Variants in ALOXE3 observed in about 807,000 individuals in gnomAD.
ALOXE3 encodes the protein hydroperoxide isomerase ALOXE3.
A neutral mutation model predicts 87.5 loss-of-function variants in ALOXE3; 78 were observed. The observed-to-expected ratio is 0.89, with a 90% confidence interval of 0.74 to 1.08. The LOEUF (loss-of-function observed/expected upper bound fraction) is 1.08. Among genes scored for constraint, ALOXE3 ranks in the 50% least tolerant of loss-of-function variants. The pLI is 0.00. For synonymous variants in ALOXE3, 363 were observed against 370.8 expected (o/e 0.98, Z 0.24); for missense variants, 946 against 912.4 (o/e 1.04, Z -0.47).
At chr17:8,104,665 A>G (rs1447040572) in intron 13 of ALOXE3, among the ~76,000 whole-genome samples, 1 of 152,242 alleles carries the variant, frequency 6.6e-6, no homozygotes, top group Non-Finnish European at 1.5e-5. Flanking sequence ...TAACAGAAGC[A>G]GAAGGAAGCT....
intron 4 of ALOXE3, 63 bp from the exon 5 acceptor site, chr17:8,115,120 T>C: frequency 6.3e-7 from 1 of 1,599,936 alleles, no homozygotes; most frequent in Non-Finnish European, 8.6e-7. Flanking sequence ...GTCTTAGCTT[T>C]AAAGACACGG....
chr17:8,116,858 G>A lies in ALOXE3; in HGVS notation c.270C>T (p.Thr90=), dbSNP rs1249451038. The A allele has an allele frequency of 1.2e-6, 2 of 1,614,218 alleles. No homozygotes were observed. The highest frequency in any genetic ancestry group is 2.2e-5 in the South Asian group (2 of 91,080). The change falls in exon 3 of 16, where the codon ACC becomes ACT. Residue 90 remains threonine (T), a synonymous_variant. Transcript: ENST00000448843. The part of the protein sequence containing the change: ...DSWYCSRICV[T]EPDGSVSHFP... ...AGTGGGATACACTACCATCCGGTTC[G>A]GTGACACAGATGCGGCTACAGTACC... is the stretch of plus-strand genomic sequence containing the variant.
At chr17:8,104,624 C>T (rs746451457) in intron 13 of ALOXE3, among the ~76,000 whole-genome samples, 1 of 152,178 alleles carries the variant, frequency 6.6e-6, no homozygotes, top group South Asian at 2.1e-4. Flanking sequence ...CAGAGACCCA[C>T]GCAGAGGGCG....
chr17:8,107,965 G>GGAAGGA lies in ALOXE3; in HGVS notation c.1684+502_1684+503insTCCTTC, dbSNP rs200841890. 3.5e-3 allele frequency among the ~76,000 whole-genome samples: 22 copies of GGAAGGA among 6,288 alleles called. 10 individuals carry two copies. The highest frequency in any genetic ancestry group is 0.011 in the South Asian group (3 of 272). The allele number at this position is 6,288 out of a possible 152,430, so 4.1% of individuals were successfully genotyped here. A position where few individuals can be genotyped will look rare whatever the true frequency, so the allele number is the denominator to read the frequency against. Reference sequence around the variant, plus strand: ...AGAAAGAAAGAAAGAAAGAAAGGAAGGAGAGAGAGAGAGAGAGAAAGAAAG... The same window carrying GGAAGGA: ...AGAAAGAAAGAAAGAAAGAAAGGAAGGAAGGAGAGAGAGAGAGAGAGAGAAAGAAAG... On this transcript the variant is annotated intron_variant, in intron 13 of 15. Coordinates refer to ENST00000448843, the MANE Select transcript of ALOXE3 (RefSeq NM_021628.3).
intron 4 of ALOXE3, 54 bp downstream of exon 4, chr17:8,115,553 A>G: frequency 1.3e-6 from 2 of 1,531,110 alleles, no homozygotes; most frequent in Non-Finnish European, 1.8e-6. Flanking sequence ...CAATCTGATT[A>G]AGACTGAGGT....
In ALOXE3 at chr17:8,116,768, T is replaced by C. The variant is rs765777021; in HGVS notation, c.352+8A>G. 6.2e-7 allele frequency: 1 copy of C among 1,614,076 alleles called. No homozygotes were observed. The highest frequency in any genetic ancestry group is 1.1e-5 in the South Asian group (1 of 91,080). On this transcript the variant is annotated splice_region_variant and intron_variant, in intron 3 of 15. Transcript: ENST00000448843. ...TGCAGTACAGTGTAGTCCTCGTCTCTGGCCCACCTGTTCCTGGCCTCAGCT... is the reference window on the plus strand; with the variant it reads ...TGCAGTACAGTGTAGTCCTCGTCTCCGGCCCACCTGTTCCTGGCCTCAGCT...
At chr17:8,104,086 G>A (rs1329808185) in intron 14 of ALOXE3, 29 bp downstream of exon 14, 3 of 1,597,636 alleles carry the variant, frequency 1.9e-6, no homozygotes, top group Non-Finnish European at 2.6e-6. Context: ...GAGACCTGAT[G>A]TCCCCAGGCC....
In ALOXE3 at chr17:8,104,082, T is replaced by A; in HGVS notation, c.1785+33A>T. Reference sequence around the variant, plus strand: ...AGGCCTCAAGTCCATTGCTGAGACCTGATGTCCCCAGGCCTGCCCTTTGTA... The same window carrying A: ...AGGCCTCAAGTCCATTGCTGAGACCAGATGTCCCCAGGCCTGCCCTTTGTA... On this transcript the variant is annotated intron_variant, in intron 14 of 15. Coordinates refer to ENST00000448843, the MANE Select transcript of ALOXE3 (RefSeq NM_021628.3). The A allele has an allele frequency of 2.5e-6, 4 of 1,591,048 alleles. No homozygotes were observed. In the South Asian group the frequency reaches 4.5e-5, roughly 18 times the overall value.
chr17:8,111,656 AT>A, intron 7 of ALOXE3, 125 bp from the exon 8 acceptor site: 1 of 940,458 alleles, frequency 1.1e-6, no homozygotes, highest in Non-Finnish European at 1.7e-6. Context: ...GGTAGGAATC[AT>A]TATATCTTCA....
In ALOXE3 at chr17:8,103,471, G is replaced by A. The variant is rs979580870; in HGVS notation, c.1808C>T (p.Pro603Leu). Residue 603 changes from proline to leucine, a missense_variant, in exon 15 of 16, where the codon CCC (proline) becomes CTC (leucine). Coordinates refer to ENST00000448843, the MANE Select transcript of ALOXE3 (RefSeq NM_021628.3). ...SGQHDFGAWM[P>L]NAPSSMRQPP... The stretch of plus-strand genomic sequence containing the variant: ...CTGCCTCATGGATGATGGAGCATTG[G>A]GCATCCAGGCCCCAAAGTCATGCTG... The A allele has an allele frequency of 3.1e-6, 5 of 1,613,992 alleles. No individual in the cohort carries two copies. In the African/African-American group the frequency reaches 6.7e-5, roughly 22 times the overall value.
In ALOXE3 at chr17:8,116,792, C is replaced by T. The variant is rs1454080612; in HGVS notation, c.336G>A (p.Glu112=). 1 of 1,614,138 alleles carries T rather than the reference C, an allele frequency of 6.2e-7. No homozygotes were observed. Among genetic ancestry groups the T allele is most frequent in the Non-Finnish European group, 8.5e-7 (1 of 1,180,056 alleles). Residue 112 remains glutamate, a synonymous_variant, in exon 3 of 16, where the codon GAG becomes GAA. Transcript: ENST00000448843. Reference sequence around the variant, plus strand: ...CTGGCCCACCTGTTCCTGGCCTCAGCTCCACGGTGCAGTAGCCTTCAATCC... The same window carrying T: ...CTGGCCCACCTGTTCCTGGCCTCAGTTCCACGGTGCAGTAGCCTTCAATCC... ...YQWIEGYCTV[E]LRPGTARTIC... is the part of the protein sequence containing the mutation.
At chr17:8,103,555 C>T (rs1979063078) in intron 14 of ALOXE3, 62 bp from the exon 15 acceptor site, 2 of 1,561,142 alleles carry the variant, frequency 1.3e-6, no homozygotes, top group Non-Finnish European at 1.8e-6. Flanking sequence ...CCTCCCTCTT[C>T]ACCATCCCTG....
At chr17:8,113,013 G>T (rs1980235321) in intron 6 of ALOXE3, among the ~76,000 whole-genome samples, 1 of 152,060 alleles carries the variant, frequency 6.6e-6, no homozygotes, top group African/African-American at 2.4e-5. Context: ...AAGCATGCTT[G>T]AAATTAAAAT....
At position 8,115,682 on chromosome 17, in the gene ALOXE3, G is replaced by C. The variant is rs757920547; in HGVS notation, c.359C>G (p.Thr120Ser). ...GAGGGGAAGAGAGTCCTGACAAATA[G>C]TTCTTGCTGTGGGGAATGAAAATTA... ...TVELRPGTAR[T>S]ICQDSLPLLL... is the part of the protein sequence containing the mutation. Residue 120 changes from threonine to serine, a missense_variant, in exon 4 of 16, where the codon ACT becomes AGT. Transcript: ENST00000448843. 2.5e-6 allele frequency: 4 copies of C among 1,613,336 alleles called. No individual in the cohort carries two copies. The South Asian group carries it at 4.4e-5, about 18-fold the overall frequency.
intron 13 of ALOXE3, among the ~76,000 whole-genome samples, chr17:8,107,505 A>G (rs1175094348): frequency 6.6e-6 from 1 of 152,076 alleles, no homozygotes; most frequent in Non-Finnish European, 1.5e-5. Context: ...CAACAAAGTA[A>G]GACTCTGTCT....
chr17:8,110,549 C>T (rs750289101), intron 8 of ALOXE3, 21 bp from the exon 9 acceptor site: 49 of 1,613,428 alleles, frequency 3.0e-5, no homozygotes, highest in Non-Finnish European at 4.2e-5. Flanking sequence ...CACACAGAGG[C>T]TGAGTGTCCC....
At chr17:8,117,102 C>T (rs1369204221) in intron 2 of ALOXE3, 122 bp from the exon 3 acceptor site, 2 of 899,966 alleles carry the variant, frequency 2.2e-6, no homozygotes, top group Middle Eastern at 6.7e-4. Context: ...TGCTCCCAGC[C>T]CATACCGGGC....
At chr17:8,118,701 TCTCTG>T, upstream of ALOXE3, 1 of 1,537,212 alleles carries the variant, frequency 6.5e-7, no homozygotes, top group Non-Finnish European at 8.7e-7. Context: ...CCGACCTCAT[TCTCTG>T]CTCTGGAGTA....
chr17:8,114,912 C>T (rs748494763), intron 5 of ALOXE3, 26 bp downstream of exon 5: 3 of 1,613,898 alleles, frequency 1.9e-6, no homozygotes, highest in Admixed American at 3.3e-5. Context: ...CTTCCTTTCC[C>T]CTCCTTCCCA....
Sources: allele counts gnomAD v4.1 joint callset (sites outside exome capture counted in the v4.1 genomes callset), GRCh38; gene constraint gnomAD v4.1.1; transcripts MANE v1.5; gene names NCBI Gene and HGNC (gene_info 2026-07-23, HGNC 2026-07-21).